The following IPCEF1 variants were observed in gnomAD, a reference collection of about 807,000 sequenced individuals.
IPCEF1 encodes interactor protein for cytohesin exchange factors 1.
A neutral mutation model predicts 50.9 loss-of-function variants in IPCEF1; 31 were observed. The observed-to-expected ratio is 0.61, with a 90% CI of 0.46 to 0.82. The LOEUF is 0.82. Among genes scored for constraint, IPCEF1 ranks in the 40% least tolerant of loss-of-function variants. The pLI is 0.00. For synonymous variants in IPCEF1, 181 were observed against 192.0 expected, an observed-to-expected ratio of 0.94 and a Z score of 0.47; for missense variants, 458 against 514.0, an observed-to-expected ratio of 0.89 and a Z score of 1.05.
At chr6:154,322,529 G>GTAAA (rs1783410223) in intron 1 of IPCEF1, among the ~76,000 whole-genome samples, 1 of 151,820 alleles carries the variant, frequency 6.6e-6, no homozygotes, top group African/African-American at 2.4e-5. Flanking sequence ...AAAAGAAGAG[G>GTAAA]TAAAACTGCC....
chr6:154,294,269 AT>A (rs1416827005), intron 1 of IPCEF1, among the ~76,000 whole-genome samples: 1 of 152,204 alleles, frequency 6.6e-6, no homozygotes. Flanking sequence ...CTAAGAAGCA[AT>A]TTATCTGCTT....
In IPCEF1 at chr6:154,159,743, C is replaced by T. The variant is rs1798858394; in HGVS notation, c.*85G>A. The T allele has an allele frequency of 4.7e-6, 5 of 1,068,682 alleles. No individual in the cohort carries two copies. Among genetic ancestry groups the T allele is most frequent in the Middle Eastern group, 2.4e-4 (1 of 4,238 alleles). 66.2% of individuals were successfully genotyped at this position (1,068,682 alleles called of 1,614,324 possible). A position where few individuals can be genotyped will look rare whatever the true frequency, so the allele number is the denominator to read the frequency against. ...GCTTGAAGGACTGGGTTTCAGTTTT[C>T]CTTTTAAGGAAAAATGTAAGCTTTT... On this transcript the variant is annotated 3_prime_UTR_variant, in exon 12 of 12. Transcript: ENST00000367220.
chr6:154,333,054 A>G (rs1783708353), intron 1 of IPCEF1, among the ~76,000 whole-genome samples: 1 of 152,146 alleles, frequency 6.6e-6, no homozygotes, highest in Admixed American at 6.6e-5. Context: ...CTTGTCTCTC[A>G]TCTTAGGCTC....
chr6:154,241,424 A>T (rs1040485473), intron 5 of IPCEF1, among the ~76,000 whole-genome samples: 1 of 152,120 alleles, frequency 6.6e-6, no homozygotes, highest in African/African-American at 2.4e-5. Context: ...ACAAAACTAA[A>T]ATACACCAAA....
At chr6:154,205,780 C>G (rs952019143) in intron 9 of IPCEF1, among the ~76,000 whole-genome samples, 2 of 152,076 alleles carry the variant, frequency 1.3e-5, no homozygotes, top group African/African-American at 4.8e-5. Context: ...TTTGTTTACC[C>G]CAGGCTGCCA....
chr6:154,311,606 C>T (rs1197304501), intron 1 of IPCEF1, among the ~76,000 whole-genome samples: 4 of 152,174 alleles, frequency 2.6e-5, no homozygotes. Context: ...TTTTAAATAA[C>T]CCAATTTTTT....
At chr6:154,170,803 A>G (rs1799811247) in intron 10 of IPCEF1, among the ~76,000 whole-genome samples, 1 of 152,202 alleles carries the variant, frequency 6.6e-6, no homozygotes, top group African/African-American at 2.4e-5. Context: ...AGTGTGGATG[A>G]GGATGTGGAT....
At chr6:154,172,168 G>A (rs1317589089) in intron 10 of IPCEF1, among the ~76,000 whole-genome samples, 1 of 152,138 alleles carries the variant, frequency 6.6e-6, no homozygotes, top group Non-Finnish European at 1.5e-5. Context: ...TATTATCATT[G>A]CTTCCAAGAT....
chr6:154,304,213 C>A (rs1465974851), intron 1 of IPCEF1, among the ~76,000 whole-genome samples: 3 of 151,938 alleles, frequency 2.0e-5, no homozygotes, highest in Admixed American at 2.0e-4. Context: ...CAGAGCAAGA[C>A]CCTGTCTCAA....
At chr6:154,218,988 T>C (rs1447655924) in intron 7 of IPCEF1, 1 of 152,202 alleles carries the variant, frequency 6.6e-6, no homozygotes, top group Non-Finnish European at 1.5e-5. Context: ...AAGACTTTGA[T>C]TTCACAGCCA....
chr6:154,200,107 T>C lies in IPCEF1; in HGVS notation c.538-67A>G, dbSNP rs557644409. The C allele has an allele frequency of 2.3e-5, 32 of 1,413,864 alleles. No homozygotes were observed. In the African/African-American group the frequency reaches 4.2e-4, roughly 19 times the overall value. 87.6% of individuals were successfully genotyped at this position (1,413,864 alleles called of 1,614,324 possible). Reference sequence around the variant, plus strand: ...CATGATTAAACCATCATTCTCTACCTTTTATTTTCAATCACGGTGTCCCCG... The same window carrying C: ...CATGATTAAACCATCATTCTCTACCCTTTATTTTCAATCACGGTGTCCCCG... On this transcript the variant is annotated intron_variant, in intron 9 of 11. Transcript: ENST00000367220.
At chr6:154,214,537 C>T (rs1778230467) in intron 7 of IPCEF1, among the ~76,000 whole-genome samples, 1 of 152,136 alleles carries the variant, frequency 6.6e-6, no homozygotes, top group African/African-American at 2.4e-5. Flanking sequence ...TTAGGTATTC[C>T]AAATATATGA....
At chr6:154,339,812 C>T (rs1330424594) in intron 1 of IPCEF1, among the ~76,000 whole-genome samples, 1 of 151,756 alleles carries the variant, frequency 6.6e-6, no homozygotes, top group Non-Finnish European at 1.5e-5. Flanking sequence ...AACCCAGGCT[C>T]GTCTGGAACA....
chr6:154,223,154 A>T lies in IPCEF1; in HGVS notation c.320+16T>A, dbSNP rs1489945842. On this transcript the variant is annotated intron_variant, in intron 6 of 11. Transcript: ENST00000367220. ...ATCCTGGCTCAGAGTTTTGTGGAAG[A>T]TGAGAGACAACTTACTGCTTTTTCT... 6.2e-7 allele frequency: 1 copy of T among 1,602,610 alleles called. No homozygotes were observed. Among genetic ancestry groups the T allele is most frequent in the South Asian group, 1.1e-5 (1 of 90,770 alleles).
intron 5 of IPCEF1, among the ~76,000 whole-genome samples, chr6:154,231,792 A>T (rs1391711428): frequency 6.6e-6 from 1 of 152,258 alleles, no homozygotes; most frequent in Admixed American, 6.5e-5. Flanking sequence ...GTAACTTGTT[A>T]CAGGTTTGAC....
intron 1 of IPCEF1, among the ~76,000 whole-genome samples, chr6:154,313,731 T>C (rs534457124): frequency 6.6e-6 from 1 of 152,080 alleles, no homozygotes; most frequent in African/African-American, 2.4e-5. Context: ...CATCTTCTGG[T>C]TCTTTTTTTT....
At chr6:154,200,121 A>G (rs1776943442) in intron 9 of IPCEF1, 81 bp from the exon 10 acceptor site, 2 of 1,281,510 alleles carry the variant, frequency 1.6e-6, no homozygotes, top group Non-Finnish European at 2.1e-6. Flanking sequence ...ATTTTCAATC[A>G]CGGTGTCCCC....
intron 1 of IPCEF1, among the ~76,000 whole-genome samples, chr6:154,336,034 G>A (rs374716061): frequency 1.3e-5 from 2 of 152,190 alleles, no homozygotes; most frequent in African/African-American, 2.4e-5. Context: ...TGCTGGTGAG[G>A]AGGTGGAGAA....
rs1322397536 is a variant in IPCEF1, at chr6:154,275,205, T to C, written c.-17-9241A>G. On this transcript the variant is annotated intron_variant, in intron 2 of 11. Coordinates refer to ENST00000367220, the MANE Select transcript of IPCEF1 (RefSeq NM_001130700.2). ...TCCAAGCTAGCCGTATGCTGAAGCG[T>C]GATTCTAAGGGATTGTGACTGAAAC... 3.3e-5 allele frequency among the ~76,000 whole-genome samples: 5 copies of C among 152,268 alleles called. No individual in the cohort carries two copies. The East Asian group carries it at 9.6e-4, about 29-fold the overall frequency.
Sources: gnomAD v4.1 joint callset for allele counts (sites outside exome capture counted in the v4.1 genomes callset) on GRCh38, gnomAD v4.1.1 for gene constraint, MANE v1.5 for transcripts, NCBI Gene and HGNC (gene_info 2026-07-23, HGNC 2026-07-21) for gene names.